IKBKE: variants seen among roughly 807,000 people sequenced by gnomAD.
IKBKE encodes the protein inhibitor of nuclear factor kappa-B kinase subunit epsilon.
Under a neutral mutation model 92.1 loss-of-function variants are expected in IKBKE, and 45 were observed. The ratio of observed to expected loss-of-function variants is 0.49; its 90% CI spans 0.38 to 0.63. The LOEUF (loss-of-function observed/expected upper bound fraction) is 0.63. IKBKE is among the 20% of genes least tolerant of loss of function. The pLI, the probability that IKBKE is intolerant of heterozygous loss-of-function variation, is 0.00. For missense variants in IKBKE, 700 were observed against 932.8 expected (o/e 0.75, Z 3.25); for synonymous variants, 374 against 380.3 (o/e 0.98, Z 0.19).
At chr1:206,479,227 T>C (rs576409844) in intron 10 of IKBKE, 94 bp downstream of exon 10, 5 of 1,097,802 alleles carry the variant, frequency 4.6e-6, no homozygotes, top group Non-Finnish European at 6.4e-6. Flanking sequence ...CTTTTCTTTG[T>C]GGGTGTTTCT....
chr1:206,476,300 G>A lies in IKBKE; in HGVS notation c.478G>A (p.Ala160Thr), dbSNP rs1344445148. 6.8e-6 allele frequency: 11 copies of A among 1,613,952 alleles called. No homozygotes were observed. The highest frequency in any genetic ancestry group is 4.0e-5 in the African/African-American group (3 of 74,906). The change falls in exon 6 of 22, where the codon GCT becomes ACT. Residue 160 changes from alanine (A) to threonine (T), a missense_variant. Ala to Thr is a moderately conservative substitution (Grantham distance 58). Coordinates refer to ENST00000581977, the MANE Select transcript of IKBKE (RefSeq NM_014002.4). The surrounding 1 kb of genome is among the most constrained non-coding windows in gnomAD (Gnocchi z 5.1). ...QSIYKLTDFG[A>T]ARELDDDEKF... ...CATCTACAAGCTGACAGACTTCGGC[G>A]CTGCCCGGGAGCTGGATGATGATGA...
chr1:206,475,016 C>T (rs782522605), intron 5 of IKBKE, 22 bp downstream of exon 5: 3 of 1,612,832 alleles, frequency 1.9e-6, no homozygotes, highest in East Asian at 4.5e-5. Context: ...CCTGTCCCTG[C>T]CTCCACCCTC....
At chr1:206,492,067 A>T (rs527868442) in intron 18 of IKBKE, 21 of 328,592 alleles carry the variant, frequency 6.4e-5, no homozygotes, top group Non-Finnish European at 1.0e-4. Context: ...CAAGACTCGT[A>T]TGTGGCTCTG....
rs1185974123 is a variant in IKBKE, at chr1:206,489,412, CAT to C, written c.1694-1405_1694-1404del. Among the ~76,000 whole-genome samples the C allele has an allele frequency of 3.6e-3, 523 of 144,234 alleles. 5 individuals carry two copies. The highest frequency in any genetic ancestry group is 0.013 in the African/African-American group (496 of 38,740). 94.6% of individuals were successfully genotyped at this position (144,234 alleles called of 152,430 possible). On this transcript the variant is annotated intron_variant, in intron 16 of 21. Transcript: ENST00000581977. ...ATATATATATATATACACACACACACATACATGGAGCTGTGTGCAGTGGCTCA... is the reference window on the plus strand; with the variant it reads ...ATATATATATATATACACACACACACACATGGAGCTGTGTGCAGTGGCTCA...
In IKBKE at chr1:206,473,645, G is replaced by A. The variant is rs541131497; in HGVS notation, c.87+331G>A. On this transcript the variant is annotated intron_variant, in intron 3 of 21. Transcript: ENST00000581977. ...GGATTTATCCTGCGAGAATGTATGAGATGATATCCACTCTGTCTTATTCAA... is the reference window on the plus strand; with the variant it reads ...GGATTTATCCTGCGAGAATGTATGAAATGATATCCACTCTGTCTTATTCAA... 4.5e-4 allele frequency among the ~76,000 whole-genome samples: 68 copies of A among 152,330 alleles called. 1 individual carries two copies. The South Asian group carries it at 0.014, about 31-fold the overall frequency.
chr1:206,476,257 A>C lies in IKBKE; in HGVS notation c.435A>C (p.Val145=), dbSNP rs782373137. Residue 145 remains valine, a synonymous_variant, in exon 6 of 22, where the codon GTA becomes GTC. Coordinates refer to ENST00000581977, the MANE Select transcript of IKBKE (RefSeq NM_014002.4). This position sits in a 1 kb window ranked among gnomAD's most constrained non-coding sequence, Gnocchi z 5.1. ...DIKPGNIMRL[V]GEEGQSIYKL... ...AGCCGGGGAACATCATGCGCCTCGT[A>C]GGGGAGGAGGGGCAGAGCATCTACA... is the stretch of plus-strand genomic sequence containing the variant. 3 of 1,613,924 alleles carry C rather than the reference A, an allele frequency of 1.9e-6. No homozygotes were observed. In the South Asian group the frequency reaches 3.3e-5, roughly 18 times the overall value.
intron 17 of IKBKE, 83 bp from the exon 18 acceptor site, chr1:206,491,565 A>G (rs782175528): frequency 8.9e-5 from 84 of 945,062 alleles, no homozygotes; most frequent in Non-Finnish European, 1.4e-4. Context: ...GTGGTGACGG[A>G]GACTGACGGA....
In IKBKE at chr1:206,474,975, G is replaced by A. The variant is rs1572237617; in HGVS notation, c.339G>A (p.Leu113=). 6.2e-7 allele frequency: 1 copy of A among 1,614,058 alleles called. No homozygotes were observed. Among genetic ancestry groups the A allele is most frequent in the East Asian group, 2.2e-5 (1 of 44,882 alleles). The change falls in exon 5 of 22, where the codon CTG becomes CTA. Residue 113 remains leucine, a synonymous_variant. Transcript: ENST00000581977. The stretch of plus-strand genomic sequence containing the variant: ...TTGGGCTGCCTGAGGATGAGTTCCT[G>A]GTGGTGCTGCGCTGTGTGGGTGAGC... The part of the protein sequence containing the change: ...NAFGLPEDEF[L]VVLRCVVAGM...
chr1:206,491,623 G>A (rs781883240), intron 17 of IKBKE, 25 bp from the exon 18 acceptor site: 1 of 1,558,156 alleles, frequency 6.4e-7, no homozygotes, highest in Non-Finnish European at 8.8e-7. Flanking sequence ...CAGCTCATCT[G>A]CACCTTGGTT....
chr1:206,489,408 C>G (rs1475552767), intron 16 of IKBKE, among the ~76,000 whole-genome samples: 4 of 146,168 alleles, frequency 2.7e-5, no homozygotes, highest in Admixed American at 2.1e-4. Context: ...TATACACACA[C>G]ACACATACAT....
At chr1:206,494,035 G>T (rs1034668117) in intron 21 of IKBKE, 44 bp downstream of exon 21, 2 of 1,554,634 alleles carry the variant, frequency 1.3e-6, no homozygotes. Flanking sequence ...GGGTCTTCAA[G>T]CTACCCTTGC....
Position 206,477,881 on chromosome 1 carries a change from G to A in IKBKE, c.812+22G>A, listed in dbSNP as rs1393063032. 7 of 1,453,092 alleles carry A rather than the reference G, an allele frequency of 4.8e-6. No individual in the cohort carries two copies. In the African/African-American group the frequency reaches 7.0e-5, roughly 15 times the overall value. 90.0% of individuals were successfully genotyped at this position (1,453,092 alleles called of 1,614,324 possible). A position where few individuals can be genotyped will look rare whatever the true frequency, so the allele number is the denominator to read the frequency against. ...CACTGTGAGTGGGACCCTGCTGGGG[G>A]GTGATGCTGGAGTCTGAGCTGGGTG... On this transcript the variant is annotated intron_variant, in intron 8 of 21. Coordinates refer to ENST00000581977, the MANE Select transcript of IKBKE (RefSeq NM_014002.4).
rs2103451374 is a variant in IKBKE, at chr1:206,474,989, G to A, written c.353G>A (p.Cys118Tyr). The change falls in exon 5 of 22, where the codon TGT (cysteine) becomes TAT (tyrosine). Residue 118 changes from cysteine to tyrosine, a missense_variant. Cys to Tyr is a radical substitution (Grantham distance 194). Transcript: ENST00000581977. ...PEDEFLVVLR[C>Y]VVAGMNHLRE... ...GATGAGTTCCTGGTGGTGCTGCGCTGTGTGGGTGAGCCCCTCCCTGTCCCT... is the reference window on the plus strand; with the variant it reads ...GATGAGTTCCTGGTGGTGCTGCGCTATGTGGGTGAGCCCCTCCCTGTCCCT... 1 of 1,613,896 alleles carries A rather than the reference G, an allele frequency of 6.2e-7. No homozygotes were observed. The highest frequency in any genetic ancestry group is 8.5e-7 in the Non-Finnish European group (1 of 1,179,998).
chr1:206,491,392 A>C (rs1665946769), intron 17 of IKBKE: 2 of 434,022 alleles, frequency 4.6e-6, no homozygotes, highest in Middle Eastern at 6.9e-4. Flanking sequence ...GCTTGAGCAC[A>C]TGTGTGTTCC....
At chr1:206,472,178 G>C (rs564462682) in intron 2 of IKBKE, among the ~76,000 whole-genome samples, 1 of 152,176 alleles carries the variant, frequency 6.6e-6, no homozygotes, top group Non-Finnish European at 1.5e-5. Context: ...TTGAGCCCAG[G>C]GGGTGGAGGT....
At chr1:206,486,317 G>A (rs563425181) in intron 15 of IKBKE, among the ~76,000 whole-genome samples, 1 of 152,212 alleles carries the variant, frequency 6.6e-6, no homozygotes, top group Admixed American at 6.5e-5. Flanking sequence ...GCAGATCTGA[G>A]GCCCCGTCCT....
Position 206,493,099 on chromosome 1 carries a change from G to A in IKBKE, c.1912G>A (p.Val638Ile), listed in dbSNP as rs541558948. Residue 638 changes from valine (V) to isoleucine (I), a missense_variant, in exon 19 of 22, where the codon GTC (valine) becomes ATC (isoleucine). Physicochemically the swap from Val to Ile is conservative, Grantham distance 29 (BLOSUM62 3). Coordinates refer to ENST00000581977, the MANE Select transcript of IKBKE (RefSeq NM_014002.4). ...VAACNTEAQG[V>I]QESLSKLLEE... The stretch of plus-strand genomic sequence containing the variant: ...TGCCTGTAACACAGAAGCCCAGGGG[G>A]TCCAGGAGAGTCTCAGCAAGGTGGG... 4.1e-5 allele frequency: 66 copies of A among 1,590,828 alleles called. No individual in the cohort carries two copies. In the Middle Eastern group the frequency reaches 8.4e-4, roughly 20 times the overall value.
chr1:206,480,604 C>A, intron 13 of IKBKE, 71 bp downstream of exon 13: 3 of 1,065,884 alleles, frequency 2.8e-6, no homozygotes, highest in Non-Finnish European at 4.1e-6. Flanking sequence ...TAGATACTTC[C>A]AACAATGCAC....
At chr1:206,495,227 A>G (rs1666170269) in intron 21 of IKBKE, among the ~76,000 whole-genome samples, 1 of 152,162 alleles carries the variant, frequency 6.6e-6, no homozygotes, top group South Asian at 2.1e-4. Flanking sequence ...AGGTTCCTAC[A>G]GGATTTCAAT....
Sources: gnomAD v4.1 joint callset for allele counts (sites outside exome capture counted in the v4.1 genomes callset) on GRCh38, gnomAD v4.1.1 for gene constraint, Gnocchi (gnomAD v3.1) non-coding constraint, MANE v1.5 for transcripts, NCBI Gene and HGNC (gene_info 2026-07-23, HGNC 2026-07-21) for gene names.